The following COG2 variants were observed in gnomAD, a reference collection of about 807,000 sequenced individuals.
COG2 encodes the protein component of oligomeric golgi complex 2, also known as conserved oligomeric Golgi complex subunit 2.
A neutral mutation model predicts 90.6 loss-of-function variants in COG2; 52 were observed. The observed-to-expected ratio is 0.57, with a 90% confidence interval of 0.46 to 0.72. The LOEUF (loss-of-function observed/expected upper bound fraction) is 0.72, where lower values mean the gene tolerates loss of function less well. COG2 is among the 30% of genes least tolerant of loss of function. COG2 has a pLI of 0.00. For missense variants in COG2, 829 were observed against 891.2 expected (o/e 0.93, Z 0.89); for synonymous variants, 337 against 320.4 (o/e 1.05, Z -0.55).
chr1:230,669,642 AT>A, intron 7 of COG2, 107 bp downstream of exon 7: 3 of 1,028,090 alleles, frequency 2.9e-6, no homozygotes, highest in Non-Finnish European at 4.2e-6. Context: ...TTCTGGAAAG[AT>A]TCTCAGTTCC....
intron 10 of COG2, 28 bp downstream of exon 10, chr1:230,679,080 C>T (rs781669935): frequency 6.3e-7 from 1 of 1,593,842 alleles, no homozygotes; most frequent in African/African-American, 1.3e-5. Context: ...CGCCCCCGCC[C>T]CGCACCCTTC....
chr1:230,679,312 C>G (rs572930354), intron 10 of COG2: 2 of 312,484 alleles, frequency 6.4e-6, no homozygotes, highest in Non-Finnish European at 1.2e-5. Flanking sequence ...GACTCCAAGC[C>G]CAGCCTCATT....
chr1:230,658,018 G>A (rs1224968789), intron 1 of COG2, among the ~76,000 whole-genome samples: 3 of 151,968 alleles, frequency 2.0e-5, no homozygotes, highest in Admixed American at 6.6e-5. Flanking sequence ...GAACATGCTC[G>A]TTTAGCTTGG....
At position 230,687,009 on chromosome 1, in the gene COG2, T is replaced by A; in HGVS notation, c.1455T>A (p.Pro485=). The A allele has an allele frequency of 6.2e-7, 1 of 1,610,044 alleles. No homozygotes were observed. Among genetic ancestry groups the A allele is most frequent in the Non-Finnish European group, 8.5e-7 (1 of 1,177,496 alleles). ...KKPLVTGSKE[P]SITQGNTEDQ... ...CTTTGGTAACTGGTAGCAAAGAACC[T>A]TCCATCACCCAAGGAAACACTGAAG... Residue 485 remains proline, a synonymous_variant, in exon 13 of 18, where the codon CCT becomes CCA. Transcript: ENST00000366669.
At position 230,687,047 on chromosome 1, in the gene COG2, G is replaced by A. The variant is rs751735004; in HGVS notation, c.1493G>A (p.Gly498Asp). ...GGAAACACTGAAGACCAAGGAAGTG[G>A]TCCTTCGGAAACAAAGCCTGTGGTT... ...TQGNTEDQGS[G>D]PSETKPVVSI... The change falls in exon 13 of 18, where the codon GGT becomes GAT. Residue 498 changes from glycine (G) to aspartate (D), a missense_variant. By Grantham distance (94) the Gly-to-Asp change is moderately conservative (BLOSUM62 -1). Transcript: ENST00000366669. 15 of 1,612,766 alleles carry A rather than the reference G, an allele frequency of 9.3e-6. No individual in the cohort carries two copies. Among genetic ancestry groups the A allele is most frequent in the South Asian group, 2.2e-5 (2 of 90,736 alleles).
Position 230,693,493 on chromosome 1 carries a change from G to A in COG2, c.*100G>A, listed in dbSNP as rs941683857. The A allele has an allele frequency of 4.3e-6, 3 of 702,946 alleles. No individual in the cohort carries two copies. Among genetic ancestry groups the A allele is most frequent in the Admixed American group, 5.9e-5 (2 of 34,076 alleles). 43.5% of individuals were successfully genotyped at this position (702,946 alleles called of 1,614,324 possible). A position where few individuals can be genotyped will look rare whatever the true frequency, so the allele number is the denominator to read the frequency against. On this transcript the variant is annotated 3_prime_UTR_variant, in exon 18 of 18. Coordinates refer to ENST00000366669, the MANE Select transcript of COG2 (RefSeq NM_007357.3). Reference sequence around the variant, plus strand: ...GACTCTGTTCTCTTAGCAACCGTCTGTAGCAAAGAAGTGCTTCCAGCATCA... The same window carrying A: ...GACTCTGTTCTCTTAGCAACCGTCTATAGCAAAGAAGTGCTTCCAGCATCA...
rs928158517 is a variant in COG2, at chr1:230,693,747, G to A, written c.*354G>A. The A allele has an allele frequency of 7.6e-5, 12 of 158,936 alleles. No homozygotes were observed. The highest frequency in any genetic ancestry group is 3.2e-4 in the Admixed American group (5 of 15,464). The allele number at this position is 158,936 out of a possible 1,614,324, so 9.8% of individuals were successfully genotyped here. On this transcript the variant is annotated 3_prime_UTR_variant, in exon 18 of 18. Transcript: ENST00000366669. Reference sequence around the variant, plus strand: ...TATATACCTATGAATATCAAGAGTCGTCTCCCTGAGCCTGTAGTTGGAAGT... The same window carrying A: ...TATATACCTATGAATATCAAGAGTCATCTCCCTGAGCCTGTAGTTGGAAGT...
Position 230,685,318 on chromosome 1 carries a change from G to A in COG2, c.1380+82G>A, listed in dbSNP as rs1422179824. 1.1e-5 allele frequency: 16 copies of A among 1,441,316 alleles called. No individual in the cohort carries two copies. The South Asian group carries it at 1.4e-4, about 12-fold the overall frequency. 89.3% of individuals were successfully genotyped at this position (1,441,316 alleles called of 1,614,324 possible). On this transcript the variant is annotated intron_variant, in intron 12 of 17. Transcript: ENST00000366669. ...GTTAGGCTAACTCCCTAAGATTTTT[G>A]TAAATACCATGAGAGGTTAATTCAG...
At chr1:230,651,155 C>T (rs1167692176) in intron 1 of COG2, among the ~76,000 whole-genome samples, 2 of 152,014 alleles carry the variant, frequency 1.3e-5, no homozygotes, top group Admixed American at 1.3e-4. Context: ...GGTGTTGCCT[C>T]TTGGTAGTAC....
intron 11 of COG2, 55 bp downstream of exon 11, chr1:230,683,690 C>T (rs1257682635): frequency 2.6e-6 from 3 of 1,169,682 alleles, no homozygotes; most frequent in African/African-American, 1.5e-5. Context: ...TCATTCAGTT[C>T]ACCAAGTCAT....
intron 12 of COG2, among the ~76,000 whole-genome samples, chr1:230,686,118 C>G (rs1662879090): frequency 6.6e-6 from 1 of 152,186 alleles, no homozygotes; most frequent in African/African-American, 2.4e-5. Flanking sequence ...AGAAATTAAG[C>G]TGAGTCTTCA....
At chr1:230,685,575 A>T (rs1420439226) in intron 12 of COG2, among the ~76,000 whole-genome samples, 1 of 152,250 alleles carries the variant, frequency 6.6e-6, no homozygotes, top group Non-Finnish European at 1.5e-5. Context: ...GATTATGAAA[A>T]TGATTAGAAA....
At chr1:230,658,624 C>T (rs182705245) in intron 1 of COG2, among the ~76,000 whole-genome samples, 2 of 152,290 alleles carry the variant, frequency 1.3e-5, no homozygotes, top group East Asian at 1.9e-4. Flanking sequence ...CAAGCAGTGA[C>T]GTTTAAGTCT....
chr1:230,660,845 A>T, intron 3 of COG2, 22 bp downstream of exon 3: 1 of 1,525,330 alleles, frequency 6.6e-7, no homozygotes, highest in Admixed American at 2.0e-5. Flanking sequence ...GAATAACATC[A>T]AACAGTTTAC....
At position 230,679,054 on chromosome 1, in the gene COG2, T is replaced by C. The variant is rs1459205307; in HGVS notation, c.1166+2T>C. ...CTTGCCTGTTTATTTTCAAATAAGG[T>C]TGGTCATCTATTCACCGCCCCCGCC... On this transcript the variant is annotated splice_donor_variant, in intron 10 of 17. Coordinates refer to ENST00000366669, the MANE Select transcript of COG2 (RefSeq NM_007357.3). LOFTEE classifies it high-confidence loss of function. 1.2e-6 allele frequency: 2 copies of C among 1,610,916 alleles called. No homozygotes were observed. The highest frequency in any genetic ancestry group is 1.7e-5 in the Admixed American group (1 of 59,904).
chr1:230,676,272 C>T (rs1307418816), intron 9 of COG2, among the ~76,000 whole-genome samples: 1 of 152,036 alleles, frequency 6.6e-6, no homozygotes, highest in Non-Finnish European at 1.5e-5. Context: ...TTTCTTCCTC[C>T]CTTCTTTTTT....
chr1:230,691,687 T>C, intron 17 of COG2, 123 bp downstream of exon 17: 1 of 896,488 alleles, frequency 1.1e-6, no homozygotes, highest in East Asian at 2.6e-5. Flanking sequence ...TTGCTTCCTG[T>C]GTTAAGACTA....
intron 2 of COG2, 147 bp downstream of exon 2, chr1:230,659,772 T>C: frequency 2.8e-6 from 2 of 711,882 alleles, no homozygotes; most frequent in Non-Finnish European, 4.1e-6. Flanking sequence ...ATCAATAAAA[T>C]AACCAAACTT....
chr1:230,669,376 C>G lies in COG2; in HGVS notation c.615C>G (p.Ala205=). 6.2e-7 allele frequency: 1 copy of G among 1,612,878 alleles called. No homozygotes were observed. Among genetic ancestry groups the G allele is most frequent in the Non-Finnish European group, 8.5e-7 (1 of 1,179,144 alleles). ...KVRPRIAGIT[A]MLQQSLEGLL... ...TGCAGCGTATAGCTGGCATTACAGCCATGTTACAGCAGTCACTGGAAGGTC... is the reference window on the plus strand; with the variant it reads ...TGCAGCGTATAGCTGGCATTACAGCGATGTTACAGCAGTCACTGGAAGGTC... Residue 205 remains alanine (A), a synonymous_variant, in exon 7 of 18, where the codon GCC becomes GCG. Coordinates refer to ENST00000366669, the MANE Select transcript of COG2 (RefSeq NM_007357.3).
Sources: allele counts gnomAD v4.1 joint callset (sites outside exome capture counted in the v4.1 genomes callset), GRCh38; gene constraint gnomAD v4.1.1; transcripts MANE v1.5; gene names NCBI Gene and HGNC (gene_info 2026-07-23, HGNC 2026-07-21).